RNFT2: variants seen among roughly 807,000 people sequenced by gnomAD.
RNFT2 encodes E3 ubiquitin-protein ligase RNFT2.
RNFT2 carries 36 observed loss-of-function variants against 53.0 expected under a neutral mutation model. The ratio of observed to expected loss-of-function variants is 0.68; its 90% CI spans 0.52 to 0.90. The LOEUF (loss-of-function observed/expected upper bound fraction) is 0.90. Among genes scored for constraint, RNFT2 ranks in the 40% least tolerant of loss-of-function variants. RNFT2 has a pLI of 0.00. For synonymous variants in RNFT2, 260 were observed against 253.2 expected (o/e 1.03, Z -0.26); for missense variants, 514 against 585.6 (o/e 0.88, Z 1.26).
chr12:116,794,853 G>T lies in RNFT2; in HGVS notation c.882+15505G>T, dbSNP rs114754591. ...CTGCCCCTGTCTCACCAATTTCACTGATGTTATTCAGGACCTGTTTGCTTA... is the reference window on the plus strand; with the variant it reads ...CTGCCCCTGTCTCACCAATTTCACTTATGTTATTCAGGACCTGTTTGCTTA... On this transcript the variant is annotated intron_variant, in intron 7 of 10. Transcript: ENST00000257575. Among the ~76,000 whole-genome samples the T allele has an allele frequency of 6.0e-4, 91 of 152,146 alleles. 1 individual carries two copies. Among genetic ancestry groups the T allele is most frequent in the African/African-American group, 2.1e-3 (87 of 41,450 alleles).
intron 3 of RNFT2, among the ~76,000 whole-genome samples, chr12:116,744,303 T>C (rs868440538): frequency 6.6e-6 from 1 of 150,944 alleles, no homozygotes; most frequent in South Asian, 2.1e-4. Flanking sequence ...CGGCTTGTAA[T>C]AAGCCTGCCT....
At chr12:116,766,746 C>A in intron 5 of RNFT2, 68 bp from the exon 6 acceptor site, 1 of 1,201,850 alleles carries the variant, frequency 8.3e-7, no homozygotes, top group Non-Finnish European at 1.2e-6. Flanking sequence ...TGCCAGTCAT[C>A]AGGGTACATT....
At position 116,851,468 on chromosome 12, in the gene RNFT2, G is replaced by A. The variant is rs1877921300; in HGVS notation, c.*2020G>A. On this transcript the variant is annotated 3_prime_UTR_variant, in exon 11 of 11. Transcript: ENST00000257575. ...AAAAGCACACGAGAGGCCGGGTGTG[G>A]TGGCCCATGCCTGTAGTGCCAGCAT... 3 of 437,058 alleles carry A rather than the reference G, an allele frequency of 6.9e-6. No individual in the cohort carries two copies. The highest frequency in any genetic ancestry group is 4.5e-5 in the East Asian group (1 of 22,002). The allele number at this position is 437,058 out of a possible 1,614,324, so 27.1% of individuals were successfully genotyped here. A position where few individuals can be genotyped will look rare whatever the true frequency, so the allele number is the denominator to read the frequency against.
At chr12:116,832,483 C>G (rs1414118610) in intron 7 of RNFT2, among the ~76,000 whole-genome samples, 1 of 152,142 alleles carries the variant, frequency 6.6e-6, no homozygotes, top group African/African-American at 2.4e-5. Flanking sequence ...GGCGTCTGGG[C>G]TGCTTCCAGT....
intron 10 of RNFT2, among the ~76,000 whole-genome samples, chr12:116,837,529 G>A (rs1483539117): frequency 6.6e-6 from 1 of 152,030 alleles, no homozygotes; most frequent in Non-Finnish European, 1.5e-5. Flanking sequence ...CATTTTTGTT[G>A]CTGTTGTTAT....
chr12:116,744,225 C>CG (rs1871786159), intron 3 of RNFT2, among the ~76,000 whole-genome samples: 1 of 100,058 alleles, frequency 1.0e-5, no homozygotes, highest in Non-Finnish European at 1.8e-5. Context: ...GACTCCTCCT[C>CG]AAAAAAAAAA....
At chr12:116,767,720 C>T (rs112353321) in intron 6 of RNFT2, among the ~76,000 whole-genome samples, 1 of 152,186 alleles carries the variant, frequency 6.6e-6, no homozygotes, top group African/African-American at 2.4e-5. Flanking sequence ...GCTGGGATTA[C>T]AGACATGCGC....
At chr12:116,814,925 G>T (rs1340092919) in intron 7 of RNFT2, among the ~76,000 whole-genome samples, 2 of 152,120 alleles carry the variant, frequency 1.3e-5, no homozygotes, top group African/African-American at 4.8e-5. Flanking sequence ...TAGTAGAAAT[G>T]GGGTTTCACT....
intron 5 of RNFT2, 77 bp downstream of exon 5, chr12:116,754,137 A>G: frequency 8.7e-7 from 1 of 1,146,366 alleles, no homozygotes; most frequent in Non-Finnish European, 1.3e-6. Flanking sequence ...CTTCCCGGCA[A>G]GTCTCCAGAG....
intron 5 of RNFT2, among the ~76,000 whole-genome samples, chr12:116,754,413 A>G (rs531913078): frequency 1.2e-4 from 18 of 152,234 alleles, no homozygotes; most frequent in African/African-American, 4.1e-4. Flanking sequence ...TGGTTCCACA[A>G]TTTTAAAATT....
chr12:116,836,998 A>G (rs939044913), intron 10 of RNFT2, among the ~76,000 whole-genome samples: 3 of 152,274 alleles, frequency 2.0e-5, no homozygotes, highest in Middle Eastern at 3.4e-3. Flanking sequence ...AAAGTAGATC[A>G]TCCATGGAAA....
intron 7 of RNFT2, among the ~76,000 whole-genome samples, chr12:116,797,838 G>A (rs532315813): frequency 1.3e-5 from 2 of 152,348 alleles, no homozygotes; most frequent in East Asian, 3.9e-4. Flanking sequence ...TTAAGGGGCA[G>A]TTTATGCAGA....
chr12:116,807,181 G>C (rs997249144), intron 7 of RNFT2, among the ~76,000 whole-genome samples: 2 of 152,044 alleles, frequency 1.3e-5, no homozygotes, highest in African/African-American at 4.8e-5. Flanking sequence ...TCTGTACCGG[G>C]GTGATTATCC....
At chr12:116,831,089 A>G (rs900499435) in intron 7 of RNFT2, among the ~76,000 whole-genome samples, 3 of 151,582 alleles carry the variant, frequency 2.0e-5, no homozygotes, top group African/African-American at 7.3e-5. Flanking sequence ...GCCAGGTGCA[A>G]TGGCTCATGC....
chr12:116,797,328 G>A (rs1184889098), intron 7 of RNFT2, among the ~76,000 whole-genome samples: 1 of 152,166 alleles, frequency 6.6e-6, no homozygotes, highest in African/African-American at 2.4e-5. Flanking sequence ...GGGAGGCTGA[G>A]GCAGGTGGAT....
intron 10 of RNFT2, among the ~76,000 whole-genome samples, chr12:116,844,308 G>A (rs1877500185): frequency 6.6e-6 from 1 of 152,088 alleles, no homozygotes; most frequent in African/African-American, 2.4e-5. Context: ...TTAGCTCACT[G>A]CAACCTCCAC....
Position 116,851,613 on chromosome 12 carries a change from G to A in RNFT2, c.*2165G>A, listed in dbSNP as rs112903394. On this transcript the variant is annotated 3_prime_UTR_variant, in exon 11 of 11. Transcript: ENST00000257575. ...AAATTAGCCGGGCGCGGTGGCGGGT[G>A]CCTGTAATCCCAGCTACTCAGGAGG... 10,083 of 602,368 alleles carry A rather than the reference G, an allele frequency of 0.017. 208 individuals carry two copies. Among genetic ancestry groups the A allele is most frequent in the African/African-American group, 0.074 (4,013 of 53,896 alleles). The allele number at this position is 602,368 out of a possible 1,614,324, so 37.3% of individuals were successfully genotyped here.
At chr12:116,765,825 G>A (rs916628024) in intron 5 of RNFT2, among the ~76,000 whole-genome samples, 2 of 152,156 alleles carry the variant, frequency 1.3e-5, no homozygotes, top group African/African-American at 4.8e-5. Flanking sequence ...GCATTCCATG[G>A]AATGGTCAGT....
At chr12:116,847,063 C>A (rs1319418589) in intron 10 of RNFT2, among the ~76,000 whole-genome samples, 3 of 152,144 alleles carry the variant, frequency 2.0e-5, no homozygotes, top group Admixed American at 2.0e-4. Context: ...CGTGTGCCAC[C>A]ATGCCTGGCT....
Sources: allele counts gnomAD v4.1 joint callset (sites outside exome capture counted in the v4.1 genomes callset), GRCh38; gene constraint gnomAD v4.1.1; transcripts MANE v1.5; gene names NCBI Gene and HGNC (gene_info 2026-07-23, HGNC 2026-07-21).